Variants in ADAMTS12 observed in about 807,000 individuals in gnomAD.
ADAMTS12 encodes A disintegrin and metalloproteinase with thrombospondin motifs 12.
Under a neutral mutation model 167.8 loss-of-function variants are expected in ADAMTS12, and 118 were observed. The ratio of observed to expected loss-of-function variants is 0.70; its 90% CI spans 0.61 to 0.82. The LOEUF (loss-of-function observed/expected upper bound fraction) is 0.82, where lower values mean the gene tolerates loss of function less well. Ranked by LOEUF, ADAMTS12 falls within the 40% of genes least tolerant of loss-of-function variation. The pLI is 0.00. For missense variants in ADAMTS12, 1,916 were observed against 1,998.8 expected (o/e 0.96, Z 0.79); for synonymous variants, 704 against 716.9 (o/e 0.98, Z 0.29).
chr5:33,692,520 C>T (rs1742588892), intron 3 of ADAMTS12, among the ~76,000 whole-genome samples: 1 of 152,150 alleles, frequency 6.6e-6, no homozygotes, highest in South Asian at 2.1e-4. Context: ...TAGAATAGTT[C>T]CTTCTACTCA....
chr5:33,855,453 C>T (rs1210051845), intron 2 of ADAMTS12, among the ~76,000 whole-genome samples: 1 of 152,232 alleles, frequency 6.6e-6, no homozygotes, highest in Admixed American at 6.5e-5. Context: ...TATTCCAAAG[C>T]TCCATGGTGT....
Position 33,555,414 on chromosome 5 carries a change from G to GT in ADAMTS12, c.4125+5612dup, listed in dbSNP as rs1187687243. ...CATGTGCTGTACCAAGCCGGGCTAA[G>GT]TTTTTTTGTATTTTCAGTGGAGACG... On this transcript the variant is annotated intron_variant, in intron 20 of 23. Transcript: ENST00000504830. Among the ~76,000 whole-genome samples the GT allele has an allele frequency of 3.3e-5, 5 of 152,054 alleles. No individual in the cohort carries two copies. In the South Asian group the frequency reaches 1.0e-3, roughly 32 times the overall value.
intron 19 of ADAMTS12, among the ~76,000 whole-genome samples, chr5:33,574,467 A>G (rs1746567451): frequency 6.6e-6 from 1 of 152,224 alleles, no homozygotes; most frequent in African/African-American, 2.4e-5. Flanking sequence ...TGAAATTGGA[A>G]ATCATCATTA....
At chr5:33,575,197 A>C (rs1746628938) in intron 19 of ADAMTS12, among the ~76,000 whole-genome samples, 1 of 152,214 alleles carries the variant, frequency 6.6e-6, no homozygotes, top group Non-Finnish European at 1.5e-5. Context: ...AACCAAAAAG[A>C]AAAGAAAAAA....
intron 3 of ADAMTS12, among the ~76,000 whole-genome samples, chr5:33,716,514 G>T (rs1389767663): frequency 6.6e-6 from 1 of 151,934 alleles, no homozygotes; most frequent in African/African-American, 2.4e-5. Flanking sequence ...GCTTATTTTG[G>T]TGTTTCCCTC....
intron 3 of ADAMTS12, among the ~76,000 whole-genome samples, chr5:33,734,072 T>C (rs1744285570): frequency 6.6e-6 from 1 of 150,870 alleles, no homozygotes; most frequent in Admixed American, 6.6e-5. Context: ...TCAGGATGTC[T>C]CTGAAAAAGC....
intron 2 of ADAMTS12, among the ~76,000 whole-genome samples, chr5:33,762,290 C>T (rs1295743745): frequency 1.1e-4 from 17 of 152,070 alleles, no homozygotes; most frequent in South Asian, 2.1e-4. Context: ...GGGTGGATCA[C>T]GAGGTCAGGA....
intron 2 of ADAMTS12, among the ~76,000 whole-genome samples, chr5:33,817,462 C>T (rs1470475571): frequency 6.6e-6 from 1 of 152,104 alleles, no homozygotes; most frequent in African/African-American, 2.4e-5. Context: ...ATTAAACATC[C>T]TAATAGGAGT....
intron 13 of ADAMTS12, among the ~76,000 whole-genome samples, chr5:33,625,568 G>T (rs1182734978): frequency 6.6e-6 from 1 of 152,074 alleles, no homozygotes; most frequent in Non-Finnish European, 1.5e-5. Context: ...TCTACCAACA[G>T]GGAAATAGAT....
intron 2 of ADAMTS12, among the ~76,000 whole-genome samples, chr5:33,796,852 A>T (rs894450253): frequency 1.3e-5 from 2 of 152,194 alleles, no homozygotes; most frequent in Admixed American, 6.5e-5. Context: ...TGATTAAAAA[A>T]CATAAAATTA....
chr5:33,646,178 T>C (rs4129123), intron 9 of ADAMTS12, among the ~76,000 whole-genome samples: 85,914 of 151,918 alleles, frequency 0.57, 24,950 homozygotes, highest in East Asian at 0.67. Flanking sequence ...TAGTAAACAA[T>C]GGGATACCCT....
Position 33,751,533 on chromosome 5 carries a change from G to T in ADAMTS12, c.505C>A (p.Leu169Ile). Residue 169 changes from leucine (L) to isoleucine (I), a missense_variant, in exon 3 of 24, where the codon CTA becomes ATA. Transcript: ENST00000504830. Reference protein sequence around the residue: ...ACHGLTGFFQLPHGDFFIEPV... With the variant: ...ACHGLTGFFQIPHGDFFIEPV... The stretch of plus-strand genomic sequence containing the variant: ...TCAATGAAAAAGTCTCCATGTGGTA[G>T]TTGGAAAAATCCAGTCTGTAAATAC... 1.9e-6 allele frequency: 3 copies of T among 1,613,856 alleles called. No homozygotes were observed. The highest frequency in any genetic ancestry group is 2.5e-6 in the Non-Finnish European group (3 of 1,179,918).
chr5:33,835,912 T>C (rs1416682697), intron 2 of ADAMTS12, among the ~76,000 whole-genome samples: 4 of 41,830 alleles, frequency 9.6e-5, no homozygotes, highest in African/African-American at 2.8e-4. Flanking sequence ...TATCCATCTC[T>C]CTCTCTCTCT....
At chr5:33,627,186 G>C (rs547671323) in intron 13 of ADAMTS12, among the ~76,000 whole-genome samples, 1 of 149,300 alleles carries the variant, frequency 6.7e-6, no homozygotes, top group East Asian at 2.1e-4. Context: ...TAGTGATGAG[G>C]TGGTGGTGAT....
chr5:33,596,821 T>TGAAA (rs1235846601), intron 16 of ADAMTS12, among the ~76,000 whole-genome samples: 2 of 152,246 alleles, frequency 1.3e-5, no homozygotes. Context: ...TCTGAAAGAC[T>TGAAA]GAAATACAAT....
At chr5:33,707,500 TC>T (rs1487851176) in intron 3 of ADAMTS12, among the ~76,000 whole-genome samples, 1 of 151,968 alleles carries the variant, frequency 6.6e-6, no homozygotes, top group African/African-American at 2.4e-5. Context: ...GCCAAGACAA[TC>T]CTAAGCAAAA....
At chr5:33,580,295 A>G (rs996972950) in intron 18 of ADAMTS12, among the ~76,000 whole-genome samples, 1 of 152,210 alleles carries the variant, frequency 6.6e-6, no homozygotes, top group African/African-American at 2.4e-5. Flanking sequence ...ACTTACAATC[A>G]TGGTGGAAGG....
intron 14 of ADAMTS12, among the ~76,000 whole-genome samples, chr5:33,616,496 AC>A (rs1739022847): frequency 6.6e-6 from 1 of 151,730 alleles, no homozygotes; most frequent in African/African-American, 2.4e-5. Flanking sequence ...ACTTTTCCTC[AC>A]CCCCCTTGCC....
chr5:33,595,178 T>G (rs895665132), intron 17 of ADAMTS12, among the ~76,000 whole-genome samples: 6 of 152,108 alleles, frequency 3.9e-5, no homozygotes. Context: ...TCTCTTTTTT[T>G]TAAACATAAG....
Sources: gnomAD v4.1 joint callset for allele counts (sites outside exome capture counted in the v4.1 genomes callset) on GRCh38, gnomAD v4.1.1 for gene constraint, MANE v1.5 for transcripts, NCBI Gene and HGNC (gene_info 2026-07-23, HGNC 2026-07-21) for gene names.